The following NDUFA9 variants were observed in gnomAD, a reference collection of about 807,000 sequenced individuals.
NDUFA9 encodes NADH:ubiquinone oxidoreductase subunit A9.
Under a neutral mutation model 45.9 loss-of-function variants are expected in NDUFA9, and 23 were observed. The observed-to-expected ratio is 0.50, with a 90% confidence interval of 0.36 to 0.71. NDUFA9 has a LOEUF of 0.71. Among genes scored for constraint, NDUFA9 ranks in the 30% least tolerant of loss-of-function variants. NDUFA9 has a pLI of 0.00. For synonymous variants in NDUFA9, 176 were observed against 170.5 expected (o/e 1.03, Z -0.25); for missense variants, 466 against 488.2 (o/e 0.95, Z 0.43).
At chr12:4,654,731 C>A in intron 2 of NDUFA9, 94 bp from the exon 3 acceptor site, 2 of 1,070,394 alleles carry the variant, frequency 1.9e-6, no homozygotes, top group Non-Finnish European at 2.7e-6. Context: ...AATTCACATA[C>A]CATACTAGAA....
intron 6 of NDUFA9, among the ~76,000 whole-genome samples, chr12:4,664,573 C>T (rs929034278): frequency 1.3e-5 from 2 of 152,178 alleles, no homozygotes; most frequent in African/African-American, 4.8e-5. Context: ...GTGGGACCAC[C>T]CAGAGTCTTG....
At chr12:4,682,413 C>T in intron 9 of NDUFA9, 113 bp downstream of exon 9, 1 of 601,430 alleles carries the variant, frequency 1.7e-6, no homozygotes, top group Non-Finnish European at 2.8e-6. Context: ...TCCAGATCTC[C>T]TAGTGTTATG....
chr12:4,675,474 G>T (rs1945914062), intron 8 of NDUFA9, among the ~76,000 whole-genome samples: 1 of 151,688 alleles, frequency 6.6e-6, no homozygotes, highest in African/African-American at 2.4e-5. Context: ...ATGATAAAGG[G>T]GATATCACCA....
At chr12:4,656,247 A>G (rs1003382984) in intron 3 of NDUFA9, among the ~76,000 whole-genome samples, 6 of 152,180 alleles carry the variant, frequency 3.9e-5, no homozygotes, top group African/African-American at 7.2e-5. Flanking sequence ...CTTCTCCAAA[A>G]TCTTACTATT....
At chr12:4,660,012 C>G (rs1308727176) in intron 5 of NDUFA9, among the ~76,000 whole-genome samples, 2 of 152,162 alleles carry the variant, frequency 1.3e-5, no homozygotes, top group Non-Finnish European at 2.9e-5. Context: ...TTCATAAAAT[C>G]ATCAGAATTT....
rs1945980173 is a variant in NDUFA9 at position 4,685,475 on chromosome 12, A to T, written c.963+150A>T. ...CCTCTACTAGCGCTGAAGCTCATCC[A>T]CCTGCCCTGCTCCAGGGGGCGGCTC... On this transcript the variant is annotated intron_variant, in intron 10 of 10. Coordinates refer to ENST00000266544, the MANE Select transcript of NDUFA9 (RefSeq NM_005002.5). The T allele has an allele frequency of 4.5e-6, 3 of 669,134 alleles. No homozygotes were observed. In the East Asian group the frequency reaches 8.2e-5, roughly 18 times the overall value. The allele number at this position is 669,134 out of a possible 1,614,324, so 41.4% of individuals were successfully genotyped here.
At position 4,662,536 on chromosome 12, in the gene NDUFA9, G is replaced by A. The variant is rs749509666; in HGVS notation, c.556G>A (p.Val186Ile). ...SSSRYLRNKA[V>I]GEKVVRDAFP... ...GGTTTGTTTGGTTATTGTTTAGGCT[G>A]TTGGAGAGAAAGTAGTGAGAGATGC... Residue 186 changes from valine (V) to isoleucine (I), a missense_variant, in exon 6 of 11, where the codon GTT becomes ATT. Physicochemically the swap from Val to Ile is conservative, Grantham distance 29. Coordinates refer to ENST00000266544, the MANE Select transcript of NDUFA9 (RefSeq NM_005002.5). 9 of 1,613,410 alleles carry A rather than the reference G, an allele frequency of 5.6e-6. No homozygotes were observed. In the Admixed American group the frequency reaches 1.3e-4, roughly 24 times the overall value.
chr12:4,655,216 C>T, intron 3 of NDUFA9: 2 of 295,328 alleles, frequency 6.8e-6, no homozygotes, highest in Non-Finnish European at 1.3e-5. Context: ...TGGAAGTAGC[C>T]ATAGACAATA....
At position 4,693,356 on chromosome 12, in the gene NDUFA9, G is replaced by A. The variant is rs757165790; in HGVS notation, c.*6248G>A. ...TATAATAGGCTCAATTTGATAATTA[G>A]GATGCCCAGTGTTGTGTAATAATTA... On this transcript the variant is annotated 3_prime_UTR_variant, in exon 11 of 11. Transcript: ENST00000266544. 6.6e-6 allele frequency: 1 copy of A among 152,152 alleles called. No homozygotes were observed. The highest frequency in any genetic ancestry group is 1.5e-5 in the Non-Finnish European group (1 of 68,024). 9.4% of individuals were successfully genotyped at this position (152,152 alleles called of 1,614,324 possible). A position where few individuals can be genotyped will look rare whatever the true frequency, so the allele number is the denominator to read the frequency against.
rs1262452992 is a variant in NDUFA9, at chr12:4,693,173, A to G, written c.*6065A>G. 1.3e-5 allele frequency: 2 copies of G among 152,362 alleles called. No individual in the cohort carries two copies. Among genetic ancestry groups the G allele is most frequent in the East Asian group, 3.9e-4 (2 of 5,188 alleles). 9.4% of individuals were successfully genotyped at this position (152,362 alleles called of 1,614,324 possible). A position where few individuals can be genotyped will look rare whatever the true frequency, so the allele number is the denominator to read the frequency against. On this transcript the variant is annotated 3_prime_UTR_variant, in exon 11 of 11. Coordinates refer to ENST00000266544, the MANE Select transcript of NDUFA9 (RefSeq NM_005002.5). The stretch of plus-strand genomic sequence containing the variant: ...CTTTTTATCTGTCATAATCACTGCT[A>G]TGTCCACAGCACCTAAAACAGTCCC...
intron 7 of NDUFA9, 64 bp from the exon 8 acceptor site, chr12:4,669,677 T>G (rs1222633476): frequency 9.7e-7 from 1 of 1,035,390 alleles, no homozygotes; most frequent in Non-Finnish European, 1.5e-6. Context: ...TCTTTCTATC[T>G]CTCCATCTCC....
chr12:4,682,305 G>GTAGAGTGCTCCTTTT lies in NDUFA9; in HGVS notation c.896+6_896+20dup. On this transcript the variant is annotated splice_donor_region_variant and intron_variant, in intron 9 of 10. Coordinates refer to ENST00000266544, the MANE Select transcript of NDUFA9 (RefSeq NM_005002.5). ...CTTGCCGCTTTTTGCCTATCGGTAA[G>GTAGAGTGCTCCTTTT]TAGAGTGCTCCTTTTGTGTGACTTC... 1 of 1,598,084 alleles carries GTAGAGTGCTCCTTTT rather than the reference G, an allele frequency of 6.3e-7. No individual in the cohort carries two copies. The highest frequency in any genetic ancestry group is 2.2e-5 in the East Asian group (1 of 44,754).
intron 5 of NDUFA9, among the ~76,000 whole-genome samples, chr12:4,660,784 T>A (rs61909965): frequency 0.28 from 42,662 of 152,024 alleles, 6,185 homozygotes; most frequent in Middle Eastern, 0.39. Flanking sequence ...CTGTAAAGTC[T>A]CCTTGGATCT....
chr12:4,657,919 G>A lies in NDUFA9; in HGVS notation c.410+80G>A, dbSNP rs1945801252. ...GACCTTCGCTGGGCACCTTTTATGT[G>A]CCAGCTATCACAGTGACATTTTCAA... On this transcript the variant is annotated intron_variant, in intron 4 of 10. Transcript: ENST00000266544. The A allele has an allele frequency of 7.4e-6, 8 of 1,075,190 alleles. No homozygotes were observed. In the South Asian group the frequency reaches 1.0e-4, roughly 14 times the overall value. 66.6% of individuals were successfully genotyped at this position (1,075,190 alleles called of 1,614,324 possible). A position where few individuals can be genotyped will look rare whatever the true frequency, so the allele number is the denominator to read the frequency against.
intron 5 of NDUFA9, among the ~76,000 whole-genome samples, chr12:4,659,428 TA>T (rs1264083855): frequency 5.9e-5 from 9 of 152,216 alleles, no homozygotes; most frequent in African/African-American, 2.2e-4. Context: ...TTCAGATACT[TA>T]AAGTTTCTTT....
At chr12:4,657,700 C>T in intron 3 of NDUFA9, 48 bp from the exon 4 acceptor site, 1 of 1,385,134 alleles carries the variant, frequency 7.2e-7, no homozygotes, top group South Asian at 1.2e-5. Flanking sequence ...GTGTTGAGTG[C>T]TGAGGTATAC....
At chr12:4,672,124 C>T (rs371055737) in intron 8 of NDUFA9, among the ~76,000 whole-genome samples, 33 of 152,242 alleles carry the variant, frequency 2.2e-4, no homozygotes, top group East Asian at 5.8e-4. Context: ...TCGCTTCACC[C>T]GGGAAGCATA....
chr12:4,673,770 C>T (rs532844004), intron 8 of NDUFA9, among the ~76,000 whole-genome samples: 1 of 152,178 alleles, frequency 6.6e-6, no homozygotes, highest in Non-Finnish European at 1.5e-5. Flanking sequence ...GGAGAACTTC[C>T]CCAACTAGCA....
Position 4,693,216 on chromosome 12 carries a change from A to G in NDUFA9, c.*6108A>G, listed in dbSNP as rs894629039. The G allele has an allele frequency of 2.6e-5, 4 of 152,256 alleles. No homozygotes were observed. The highest frequency in any genetic ancestry group is 9.6e-5 in the African/African-American group (4 of 41,460). The allele number at this position is 152,256 out of a possible 1,614,324, so 9.4% of individuals were successfully genotyped here. ...ACAGTCCCAGACATCTGTTGAATAA[A>G]TGAATGAATGAGGTGGGAAGTCTTT... On this transcript the variant is annotated 3_prime_UTR_variant, in exon 11 of 11. Transcript: ENST00000266544.
Sources: gnomAD v4.1 joint callset for allele counts (sites outside exome capture counted in the v4.1 genomes callset) on GRCh38, gnomAD v4.1.1 for gene constraint, MANE v1.5 for transcripts, NCBI Gene and HGNC (gene_info 2026-07-23, HGNC 2026-07-21) for gene names.